The following ZMYND19 variants were observed in gnomAD, a reference collection of about 807,000 sequenced individuals.
ZMYND19 encodes zinc finger MYND-type containing 19.
Under a neutral mutation model 32.0 loss-of-function variants are expected in ZMYND19, and 17 were observed. The observed-to-expected ratio is 0.53, with a 90% CI of 0.36 to 0.80. The LOEUF (loss-of-function observed/expected upper bound fraction) is 0.80, where lower values mean the gene tolerates loss of function less well. ZMYND19 is among the 30% of genes least tolerant of loss of function. The pLI is 0.00. For missense variants in ZMYND19, 250 were observed against 293.6 expected (o/e 0.85, Z 1.09); for synonymous variants, 124 against 113.6 (o/e 1.09, Z -0.58).
chr9:137,588,280 C>A (rs1842228943), intron 2 of ZMYND19, among the ~76,000 whole-genome samples: 1 of 152,224 alleles, frequency 6.6e-6, no homozygotes, highest in African/African-American at 2.4e-5. Context: ...CCAGGAGGGA[C>A]TGCTAAGGCA....
At chr9:137,583,247 G>A in intron 4 of ZMYND19, 84 bp from the exon 5 acceptor site, 2 of 1,489,208 alleles carry the variant, frequency 1.3e-6, no homozygotes, top group Non-Finnish European at 1.8e-6. Flanking sequence ...TCCATAGAGT[G>A]CCATCCTGCC....
In ZMYND19 at chr9:137,588,868, A is replaced by G. The variant is rs141328790; in HGVS notation, c.52-150T>C. ...TCTTCAGACCAAGACAGCTCAGCACATGGGGGCCTCATTCCACCGTTTGGG... is the reference window on the plus strand; with the variant it reads ...TCTTCAGACCAAGACAGCTCAGCACGTGGGGGCCTCATTCCACCGTTTGGG... On this transcript the variant is annotated intron_variant, in intron 1 of 5. Coordinates refer to ENST00000298585, the MANE Select transcript of ZMYND19 (RefSeq NM_138462.3). 5.1e-4 allele frequency: 403 copies of G among 787,614 alleles called. 1 individual carries two copies. In the African/African-American group the frequency reaches 6.2e-3, roughly 12 times the overall value. 48.8% of individuals were successfully genotyped at this position (787,614 alleles called of 1,614,324 possible). A position where few individuals can be genotyped will look rare whatever the true frequency, so the allele number is the denominator to read the frequency against.
chr9:137,586,665 C>T (rs570062124), intron 4 of ZMYND19, among the ~76,000 whole-genome samples: 8 of 152,304 alleles, frequency 5.3e-5, no homozygotes, highest in Non-Finnish European at 8.8e-5. Context: ...CACCGAGTCC[C>T]GACGCTGGCC....
intron 1 of ZMYND19, chr9:137,589,625 G>T: frequency 1.0e-6 from 1 of 985,476 alleles, no homozygotes; most frequent in Non-Finnish European, 1.2e-6. Flanking sequence ...GGAAGGCCCT[G>T]AGTCTGCAGC....
chr9:137,587,898 A>G, intron 2 of ZMYND19, 75 bp from the exon 3 acceptor site: 3 of 1,446,916 alleles, frequency 2.1e-6, no homozygotes, highest in Non-Finnish European at 2.9e-6. Flanking sequence ...TCTTAGAAAA[A>G]CCAAGTGAAA....
At chr9:137,588,605 C>T (rs1474578093) in intron 2 of ZMYND19, 54 bp downstream of exon 2, 1 of 1,596,790 alleles carries the variant, frequency 6.3e-7, no homozygotes, top group Non-Finnish European at 8.6e-7. Context: ...TCCTCGTGAC[C>T]CTCCTGGGCA....
chr9:137,583,468 C>G (rs1428186655), intron 4 of ZMYND19, among the ~76,000 whole-genome samples: 1 of 152,234 alleles, frequency 6.6e-6, no homozygotes, highest in Non-Finnish European at 1.5e-5. Context: ...CGAGGCGGCC[C>G]CTCTCCTTGC....
chr9:137,587,686 C>A (rs913774384), intron 3 of ZMYND19, 31 bp downstream of exon 3: 3 of 1,601,054 alleles, frequency 1.9e-6, no homozygotes, highest in Non-Finnish European at 1.7e-6. Flanking sequence ...AGCCCAGTGG[C>A]GGGGGGCAGA....
At position 137,587,338 on chromosome 9, in the gene ZMYND19, G is replaced by T. The variant is rs556239188; in HGVS notation, c.219-231C>A. 2.6e-5 allele frequency: 18 copies of T among 684,032 alleles called. No homozygotes were observed. In the Admixed American group the frequency reaches 3.6e-4, roughly 14 times the overall value. 42.4% of individuals were successfully genotyped at this position (684,032 alleles called of 1,614,324 possible). On this transcript the variant is annotated intron_variant, in intron 3 of 5. Coordinates refer to ENST00000298585, the MANE Select transcript of ZMYND19 (RefSeq NM_138462.3). ...GGGACACAGGGAGGACCCGGCCCCT[G>T]GACTTCAGAGCACAGACAGCCAAAG...
intron 3 of ZMYND19, chr9:137,587,317 C>T: frequency 1.3e-6 from 1 of 795,820 alleles, no homozygotes; most frequent in Non-Finnish European, 1.9e-6. Flanking sequence ...AGGACAGGGA[C>T]ACAGGGAGGA....
At chr9:137,587,943 C>A in intron 2 of ZMYND19, 120 bp from the exon 3 acceptor site, 2 of 993,696 alleles carry the variant, frequency 2.0e-6, no homozygotes, top group Non-Finnish European at 1.6e-6. Context: ...CAGCCCTGTC[C>A]CTGAGACCCT....
intron 4 of ZMYND19, among the ~76,000 whole-genome samples, chr9:137,585,466 G>T (rs1022983788): frequency 6.6e-6 from 1 of 151,358 alleles, no homozygotes; most frequent in Admixed American, 6.6e-5. Context: ...CTGAAGCCAG[G>T]AGTTCAAGAA....
chr9:137,588,265 G>C (rs1260632953), intron 2 of ZMYND19, among the ~76,000 whole-genome samples: 1 of 152,220 alleles, frequency 6.6e-6, no homozygotes, highest in Non-Finnish European at 1.5e-5. Context: ...GAGGCAGCTG[G>C]GCAGCCAGGA....
At chr9:137,583,713 C>T (rs1842172430) in intron 4 of ZMYND19, among the ~76,000 whole-genome samples, 1 of 152,176 alleles carries the variant, frequency 6.6e-6, no homozygotes, top group Admixed American at 6.5e-5. Flanking sequence ...TAAACCACCC[C>T]ACCAACCCCG....
At chr9:137,587,248 A>T (rs940090464) in intron 3 of ZMYND19, 141 bp from the exon 4 acceptor site, 22 of 1,363,684 alleles carry the variant, frequency 1.6e-5, no homozygotes, top group Non-Finnish European at 2.2e-5. Context: ...CCTTTGGATG[A>T]GGGTACCTCA....
intron 1 of ZMYND19, chr9:137,589,857 C>CCTA: frequency 3.0e-6 from 3 of 985,464 alleles, no homozygotes; most frequent in Non-Finnish European, 3.6e-6. Context: ...GGACGCCGCG[C>CCTA]TAGGCCCCGG....
chr9:137,582,411 C>G lies in ZMYND19; in HGVS notation c.*132G>C, dbSNP rs554644714. 28 of 1,297,386 alleles carry G rather than the reference C, an allele frequency of 2.2e-5. No homozygotes were observed. The Admixed American group carries it at 6.5e-4, about 30-fold the overall frequency. 80.4% of individuals were successfully genotyped at this position (1,297,386 alleles called of 1,614,324 possible). On this transcript the variant is annotated 3_prime_UTR_variant, in exon 6 of 6. Transcript: ENST00000298585. Reference sequence around the variant, plus strand: ...TAACCACACAGACTGCCTGTGACATCGGGAGTCTCACGGCAGCTGTCCTGG... The same window carrying G: ...TAACCACACAGACTGCCTGTGACATGGGGAGTCTCACGGCAGCTGTCCTGG...
chr9:137,590,153 G>C lies in ZMYND19; in HGVS notation c.51+60C>G, dbSNP rs1282433007. The C allele has an allele frequency of 1.0e-6, 1 of 994,912 alleles. No homozygotes were observed. Among genetic ancestry groups the C allele is most frequent in the East Asian group, 1.1e-4 (1 of 9,356 alleles). 61.6% of individuals were successfully genotyped at this position (994,912 alleles called of 1,614,324 possible). ...GCCGCCGCCCGCACAACCGCCCCCG[G>C]CCCCGCGCGGAGGCCTGGACGGGCG... On this transcript the variant is annotated intron_variant, in intron 1 of 5. Transcript: ENST00000298585. This position sits in a 1 kb window ranked among gnomAD's most constrained non-coding sequence, Gnocchi z 4.2.
rs1318024850 is a variant in ZMYND19, at chr9:137,589,469, A to G, written c.51+744T>C. On this transcript the variant is annotated intron_variant, in intron 1 of 5. Transcript: ENST00000298585. ...AAAAGCCGCAGCCGCTGGTGACGGG[A>G]ACAGGGCTCCCATCCGGGTAAGGAC... is the stretch of plus-strand genomic sequence containing the variant. 4 of 985,354 alleles carry G rather than the reference A, an allele frequency of 4.1e-6. No individual in the cohort carries two copies. The African/African-American group carries it at 7.0e-5, about 17-fold the overall frequency. The allele number at this position is 985,354 out of a possible 1,614,324, so 61.0% of individuals were successfully genotyped here.
Sources: gnomAD v4.1 joint callset for allele counts (sites outside exome capture counted in the v4.1 genomes callset) on GRCh38, gnomAD v4.1.1 for gene constraint, Gnocchi (gnomAD v3.1) non-coding constraint, MANE v1.5 for transcripts, NCBI Gene and HGNC (gene_info 2026-07-23, HGNC 2026-07-21) for gene names.